DLC1: variants seen among roughly 807,000 people sequenced by gnomAD.
The protein encoded by DLC1 is DLC1 Rho GTPase activating protein.
A neutral mutation model predicts 140.3 loss-of-function variants in DLC1; 54 were observed. The ratio of observed to expected loss-of-function variants is 0.38; its 90% confidence interval spans 0.31 to 0.48. DLC1 has a LOEUF of 0.48. DLC1 is among the 20% of genes least tolerant of loss of function. DLC1 has a pLI of 0.96. For synonymous variants in DLC1, 986 were observed against 728.1 expected, an observed-to-expected ratio of 1.35 and a Z score of -5.70; for missense variants, 2,536 against 1,907.0, an observed-to-expected ratio of 1.33 and a Z score of -6.14.
chr8:13,540,321 T>G (rs1803440235), intron 1 of DLC1, among the ~76,000 whole-genome samples: 1 of 152,202 alleles, frequency 6.6e-6, no homozygotes, highest in Non-Finnish European at 1.5e-5. Context: ...ACTGTTATGT[T>G]TAAAAATGGG....
intron 2 of DLC1, among the ~76,000 whole-genome samples, chr8:13,492,907 T>C (rs952849887): frequency 2.0e-4 from 31 of 152,334 alleles, no homozygotes; most frequent in Non-Finnish European, 5.9e-5. Flanking sequence ...AAAACCAGGT[T>C]AAATGGCATG....
intron 4 of DLC1, among the ~76,000 whole-genome samples, chr8:13,317,679 A>C (rs1238412476): frequency 6.6e-6 from 1 of 152,236 alleles, no homozygotes; most frequent in East Asian, 1.9e-4. Flanking sequence ...AATTAAAGGC[A>C]CTGGGAGGTG....
intron 4 of DLC1, among the ~76,000 whole-genome samples, chr8:13,383,222 C>T (rs1836353151): frequency 6.6e-6 from 1 of 152,212 alleles, no homozygotes; most frequent in Non-Finnish European, 1.5e-5. Flanking sequence ...CAAAGACCTT[C>T]AAATATGTGC....
chr8:13,095,366 T>C (rs777803852), intron 10 of DLC1, 121 bp from the exon 11 acceptor site: 17 of 1,216,114 alleles, frequency 1.4e-5, no homozygotes, highest in Non-Finnish European at 1.8e-5. Context: ...GGTGGCTACT[T>C]AAATTTAAAT....
intron 2 of DLC1, among the ~76,000 whole-genome samples, chr8:13,407,401 G>C (rs1837616463): frequency 6.6e-6 from 1 of 152,102 alleles, no homozygotes; most frequent in African/African-American, 2.4e-5. Flanking sequence ...GCTCTTAACT[G>C]AACAGCACAA....
chr8:13,244,424 A>T (rs1037684425), intron 5 of DLC1, among the ~76,000 whole-genome samples: 25 of 151,646 alleles, frequency 1.6e-4, no homozygotes, highest in African/African-American at 5.8e-4. Context: ...CAGCCTCCAG[A>T]GTGGCTGGGA....
intron 4 of DLC1, among the ~76,000 whole-genome samples, chr8:13,363,095 G>C (rs879481829): frequency 2.6e-5 from 4 of 152,090 alleles, no homozygotes; most frequent in Non-Finnish European, 5.9e-5. Context: ...CTTTGTGGGG[G>C]ATGTAAACAT....
intron 2 of DLC1, among the ~76,000 whole-genome samples, chr8:13,426,409 G>T (rs1405960488): frequency 6.6e-6 from 1 of 152,160 alleles, no homozygotes; most frequent in Non-Finnish European, 1.5e-5. Flanking sequence ...CATTGTACTA[G>T]TAATTGAATA....
At chr8:13,479,833 AAG>A in intron 2 of DLC1, among the ~76,000 whole-genome samples, 1 of 46,574 alleles carries the variant, frequency 2.1e-5, no homozygotes, top group Non-Finnish European at 5.2e-5. Context: ...GAAGAAGAAG[AAG>A]AAGAAGAAGA....
chr8:13,366,776 C>T (rs780785445), intron 4 of DLC1, among the ~76,000 whole-genome samples: 2 of 152,130 alleles, frequency 1.3e-5, no homozygotes, highest in African/African-American at 4.8e-5. Flanking sequence ...CTTTCCAGAC[C>T]AAGGTCTCCC....
chr8:13,452,271 T>C (rs1017125557), intron 2 of DLC1, among the ~76,000 whole-genome samples: 1 of 152,070 alleles, frequency 6.6e-6, no homozygotes, highest in Admixed American at 6.5e-5. Flanking sequence ...TTAAGAATTG[T>C]ACTCAATCAG....
intron 4 of DLC1, among the ~76,000 whole-genome samples, chr8:13,307,903 G>A (rs897160046): frequency 6.6e-6 from 1 of 152,100 alleles, no homozygotes; most frequent in African/African-American, 2.4e-5. Flanking sequence ...TTGAAATGAA[G>A]GAGGAAAAAA....
At chr8:13,386,310 C>A (rs1380700532) in intron 4 of DLC1, among the ~76,000 whole-genome samples, 2 of 151,960 alleles carry the variant, frequency 1.3e-5, no homozygotes, top group Admixed American at 1.3e-4. Flanking sequence ...ATGAATTCTG[C>A]TCCAGATACT....
intron 1 of DLC1, among the ~76,000 whole-genome samples, chr8:13,577,841 A>AT (rs1804898125): frequency 6.6e-6 from 1 of 151,928 alleles, no homozygotes; most frequent in Non-Finnish European, 1.5e-5. Flanking sequence ...GTATCAAATT[A>AT]TTATCTTTAA....
In DLC1 at chr8:13,312,294, G is replaced by C. The variant is rs548033990; in HGVS notation, c.1315-6992C>G. 4.6e-3 allele frequency among the ~76,000 whole-genome samples: 562 copies of C among 122,792 alleles called. 19 individuals carry two copies. Among genetic ancestry groups the C allele is most frequent in the African/African-American group, 0.017 (542 of 32,630 alleles). The allele number at this position is 122,792 out of a possible 152,430, so 80.6% of individuals were successfully genotyped here. ...GAGAATGGCGTGAACCCGGGAGGCGGAGCTTGCAGTGAGCCGAGATCGCGC... is the reference window on the plus strand; with the variant it reads ...GAGAATGGCGTGAACCCGGGAGGCGCAGCTTGCAGTGAGCCGAGATCGCGC... On this transcript the variant is annotated intron_variant, in intron 4 of 17. Coordinates refer to ENST00000276297, the MANE Select transcript of DLC1 (RefSeq NM_182643.3).
intron 2 of DLC1, among the ~76,000 whole-genome samples, chr8:13,460,075 T>C (rs945709815): frequency 6.6e-6 from 1 of 152,142 alleles, no homozygotes; most frequent in Admixed American, 6.5e-5. Flanking sequence ...AGGACTGGCA[T>C]CTAAGGCAGT....
In DLC1 at chr8:13,537,680, G is replaced by A. The variant is rs1198133226; in HGVS notation, c.-125-37484C>T. Among the ~76,000 whole-genome samples the A allele has an allele frequency of 2.4e-5, 3 of 126,770 alleles. No homozygotes were observed. In the South Asian group the frequency reaches 7.9e-4, roughly 33 times the overall value. 83.2% of individuals were successfully genotyped at this position (126,770 alleles called of 152,430 possible). A position where few individuals can be genotyped will look rare whatever the true frequency, so the allele number is the denominator to read the frequency against. On this transcript the variant is annotated intron_variant, in intron 1 of 1. Transcript: ENST00000631382. ...TTTTTTTTTTTTTTTTTGAGACGGAGTCTCTCTCTGTCACCCAGGCTAGAA... is the reference window on the plus strand; with the variant it reads ...TTTTTTTTTTTTTTTTTGAGACGGAATCTCTCTCTGTCACCCAGGCTAGAA...
chr8:13,312,803 A>C (rs773454170), intron 4 of DLC1, among the ~76,000 whole-genome samples: 3 of 152,098 alleles, frequency 2.0e-5, no homozygotes, highest in Non-Finnish European at 4.4e-5. Flanking sequence ...AATACTGACT[A>C]TTCATAACAG....
chr8:13,350,977 A>G (rs1176035579), intron 4 of DLC1, among the ~76,000 whole-genome samples: 1 of 152,184 alleles, frequency 6.6e-6, no homozygotes, highest in Non-Finnish European at 1.5e-5. Context: ...CATGAAGTAG[A>G]CTTTCTGAAG....
Sources: gnomAD v4.1 joint callset for allele counts (sites outside exome capture counted in the v4.1 genomes callset) on GRCh38, gnomAD v4.1.1 for gene constraint, MANE v1.5 for transcripts, NCBI Gene and HGNC (gene_info 2026-07-23, HGNC 2026-07-21) for gene names.